ATXN7: variants seen among roughly 807,000 people sequenced by gnomAD.
ATXN7 encodes the protein ataxin-7.
In ATXN7, 12 loss-of-function variants were observed where a neutral mutation model predicts 70.5. The observed-to-expected ratio is 0.17, with a 90% confidence interval of 0.11 to 0.28. The LOEUF is 0.28. Among genes scored for constraint, ATXN7 ranks in the 10% least tolerant of loss-of-function variants. The pLI is 1.00. For missense variants in ATXN7, 1,256 were observed against 1,131.7 expected, an observed-to-expected ratio of 1.11 and a Z score of -1.58; for synonymous variants, 498 against 448.7, an observed-to-expected ratio of 1.11 and a Z score of -1.39.
At chr3:63,998,385 TAC>T (rs1180019393) in intron 12 of ATXN7, 31 of 985,376 alleles carry the variant, frequency 3.1e-5, no homozygotes, top group Non-Finnish European at 3.5e-5. Flanking sequence ...CACACACGTA[TAC>T]ACACACACTT....
chr3:63,947,124 A>G (rs1392572334), intron 4 of ATXN7, among the ~76,000 whole-genome samples: 2 of 152,190 alleles, frequency 1.3e-5, no homozygotes, highest in Non-Finnish European at 1.5e-5. Context: ...TAGTTTCCTG[A>G]CAAATAACAA....
intron 5 of ATXN7, among the ~76,000 whole-genome samples, chr3:63,963,106 G>C (rs911188818): frequency 2.6e-5 from 4 of 151,840 alleles, no homozygotes; most frequent in African/African-American, 9.7e-5. Flanking sequence ...TGTAGAGGCA[G>C]GGTTTCACCA....
intron 2 of ATXN7, among the ~76,000 whole-genome samples, chr3:63,910,319 C>T (rs1409427520): frequency 6.6e-6 from 1 of 152,190 alleles, no homozygotes; most frequent in Admixed American, 6.5e-5. Flanking sequence ...GAGCTGTACT[C>T]AACAAGCAAG....
chr3:63,997,723 T>C, intron 12 of ATXN7: 4 of 1,550,858 alleles, frequency 2.6e-6, no homozygotes, highest in Non-Finnish European at 3.5e-6. Flanking sequence ...TTCCCCTTCC[T>C]CGTCTTCAGA....
At chr3:63,970,999 T>TAA (rs755822966) in intron 5 of ATXN7, among the ~76,000 whole-genome samples, 16 of 152,220 alleles carry the variant, frequency 1.1e-4, no homozygotes, top group Non-Finnish European at 2.2e-4. Flanking sequence ...CTCTCTTTTC[T>TAA]GCACTTTCCC....
chr3:63,955,037 T>C (rs1294465730), intron 5 of ATXN7, among the ~76,000 whole-genome samples: 2 of 152,356 alleles, frequency 1.3e-5, no homozygotes, highest in Non-Finnish European at 2.9e-5. Flanking sequence ...CACATTTTTC[T>C]GTCTTTCTCC....
At chr3:63,993,557 T>G (rs2075708049) in intron 11 of ATXN7, among the ~76,000 whole-genome samples, 1 of 152,196 alleles carries the variant, frequency 6.6e-6, no homozygotes, top group Non-Finnish European at 1.5e-5. Flanking sequence ...ACATTTTTAT[T>G]ATTTTTTATG....
Position 63,995,496 on chromosome 3 carries a change from T to G in ATXN7, c.1683-9T>G, listed in dbSNP as rs1320084544. 2 of 1,613,598 alleles carry G rather than the reference T, an allele frequency of 1.2e-6. No individual in the cohort carries two copies. On this transcript the variant is annotated splice_polypyrimidine_tract_variant and intron_variant, in intron 11 of 12. Transcript: ENST00000674280. Reference sequence around the variant, plus strand: ...TCAGTGTCATTCACTGTCCTCTAATTTTTTTCAGGAAAATCCCACCAGTGC... The same window carrying G: ...TCAGTGTCATTCACTGTCCTCTAATGTTTTTCAGGAAAATCCCACCAGTGC...
chr3:64,002,772 A>G lies in ATXN7; in HGVS notation c.*3305A>G, dbSNP rs2075847641. 1 of 152,172 alleles carries G rather than the reference A, an allele frequency of 6.6e-6. No individual in the cohort carries two copies. Among genetic ancestry groups the G allele is most frequent in the South Asian group, 2.1e-4 (1 of 4,830 alleles). The allele number at this position is 152,172 out of a possible 1,614,324, so 9.4% of individuals were successfully genotyped here. A position where few individuals can be genotyped will look rare whatever the true frequency, so the allele number is the denominator to read the frequency against. ...AAATTAAGACCTCTTGGTTCATAGT[A>G]ATTCAATTGGTGATGGATTGCCTGG... On this transcript the variant is annotated 3_prime_UTR_variant, in exon 13 of 13. Transcript: ENST00000674280.
rs1407310940 is a variant in ATXN7, at chr3:63,995,778, C to G, written c.1956C>G (p.Ser652=). 5.6e-6 allele frequency: 9 copies of G among 1,614,228 alleles called. No individual in the cohort carries two copies. Among genetic ancestry groups the G allele is most frequent in the Non-Finnish European group, 7.6e-6 (9 of 1,180,052 alleles). ...QSRQVSSSSS[S]PSTPSGLSSV... ...GACAAGTGTCCTCTTCATCCTCATCCCCTTCCACGCCCTCTGGCCTTTCCT... is the reference window on the plus strand; with the variant it reads ...GACAAGTGTCCTCTTCATCCTCATCGCCTTCCACGCCCTCTGGCCTTTCCT... The change falls in exon 12 of 13, where the codon TCC becomes TCG. Residue 652 remains serine (S), a synonymous_variant. Transcript: ENST00000674280.
rs1703041849 is a variant in ATXN7, at chr3:63,884,935, A to AG, written c.-110-13463dup. ...CAGCCTCCCAAAATGCTGGGATTAC[A>AG]GTTGTGAGCCACCACGCCCAGCCCA... On this transcript the variant is annotated intron_variant, in intron 1 of 12. Transcript: ENST00000674280. Among the ~76,000 whole-genome samples, 3 of 151,922 alleles carry AG rather than the reference A, an allele frequency of 2.0e-5. No individual in the cohort carries two copies. The South Asian group carries it at 6.2e-4, about 31-fold the overall frequency.
chr3:63,914,793 CTG>C (rs1704193901), intron 4 of ATXN7, among the ~76,000 whole-genome samples: 1 of 152,182 alleles, frequency 6.6e-6, no homozygotes. Flanking sequence ...ATTAAGGGGA[CTG>C]TACCTCATTT....
chr3:63,887,503 C>T (rs570173857), intron 1 of ATXN7, among the ~76,000 whole-genome samples: 42 of 152,280 alleles, frequency 2.8e-4, no homozygotes, highest in African/African-American at 9.6e-4. Flanking sequence ...TCTTGATTAG[C>T]ACATAGAAAC....
At chr3:63,874,076 G>A (rs1702675114) in intron 1 of ATXN7, among the ~76,000 whole-genome samples, 1 of 151,964 alleles carries the variant, frequency 6.6e-6, no homozygotes, top group African/African-American at 2.4e-5. Context: ...AACCTTACTG[G>A]TACTTACCAC....
chr3:63,944,928 A>G lies in ATXN7; in HGVS notation c.395-7451A>G, dbSNP rs186099838. On this transcript the variant is annotated intron_variant, in intron 4 of 12. Coordinates refer to ENST00000674280, the MANE Select transcript of ATXN7 (RefSeq NM_001377405.1). ...TGCCTCAGCTTCCCAGGTAGCTGCA[A>G]TTACAAGTGTAAACCACCACACCCA... Among the ~76,000 whole-genome samples the G allele has an allele frequency of 9.1e-4, 138 of 152,256 alleles. 1 individual carries two copies. The highest frequency in any genetic ancestry group is 2.9e-3 in the African/African-American group (120 of 41,542).
intron 1 of ATXN7, among the ~76,000 whole-genome samples, chr3:63,897,115 C>T (rs1471423394): frequency 6.6e-6 from 1 of 152,140 alleles, no homozygotes; most frequent in Admixed American, 6.5e-5. Flanking sequence ...GATTTTTGCA[C>T]AGCTATAAAG....
intron 1 of ATXN7, among the ~76,000 whole-genome samples, chr3:63,866,178 G>A (rs1008078097): frequency 2.6e-5 from 4 of 152,120 alleles, no homozygotes; most frequent in African/African-American, 9.7e-5. Flanking sequence ...ATTTTCTGGA[G>A]TAATAAGACC....
intron 2 of ATXN7, among the ~76,000 whole-genome samples, chr3:63,910,977 C>T (rs1220463154): frequency 6.6e-6 from 1 of 151,896 alleles, no homozygotes; most frequent in Non-Finnish European, 1.5e-5. Flanking sequence ...TCCTGTGTTT[C>T]TGCAAGTTGG....
intron 2 of ATXN7, among the ~76,000 whole-genome samples, chr3:63,900,022 G>A (rs1304639076): frequency 1.3e-5 from 2 of 152,116 alleles, no homozygotes; most frequent in Non-Finnish European, 2.9e-5. Context: ...AGCTTGAGGC[G>A]GCAGTTAGCC....
Sources: gnomAD v4.1 joint callset for allele counts (sites outside exome capture counted in the v4.1 genomes callset) on GRCh38, gnomAD v4.1.1 for gene constraint, MANE v1.5 for transcripts, NCBI Gene and HGNC (gene_info 2026-07-23, HGNC 2026-07-21) for gene names.